The following SYT1 variants were observed in gnomAD, a reference collection of about 807,000 sequenced individuals.
SYT1 encodes synaptotagmin 1, also known as synaptotagmin-1.
In SYT1, 8 loss-of-function variants were observed where a neutral mutation model predicts 44.8. That is an observed-to-expected ratio of 0.18 (90% CI 0.10 to 0.32). The LOEUF (loss-of-function observed/expected upper bound fraction) is 0.32, where lower values mean the gene tolerates loss of function less well. Ranked by LOEUF, SYT1 falls within the 10% of genes least tolerant of loss-of-function variation. SYT1 has a pLI of 1.00. For synonymous variants in SYT1, 154 were observed against 188.8 expected (o/e 0.82, Z 1.51); for missense variants, 286 against 509.3 (o/e 0.56, Z 4.22).
chr12:78,873,370 GA>G (rs1453849979), intron 1 of SYT1, among the ~76,000 whole-genome samples: 1 of 151,632 alleles, frequency 6.6e-6, no homozygotes. Context: ...GAAAAAATAA[GA>G]AAGATTTGAT....
chr12:78,923,764 G>C (rs199691411), intron 1 of SYT1, among the ~76,000 whole-genome samples: 27,473 of 151,202 alleles, frequency 0.18, 3,077 homozygotes, highest in East Asian at 0.5. Flanking sequence ...AACAATGTGA[G>C]AGAGTAAGTT....
At chr12:78,877,395 GT>G (rs1874231092) in intron 1 of SYT1, among the ~76,000 whole-genome samples, 1 of 151,542 alleles carries the variant, frequency 6.6e-6, no homozygotes, top group Non-Finnish European at 1.5e-5. Context: ...CCCACAACAT[GT>G]GGGAATTTTG....
At chr12:79,154,499 G>A (rs1380220724) in intron 3 of SYT1, among the ~76,000 whole-genome samples, 2 of 151,744 alleles carry the variant, frequency 1.3e-5, no homozygotes, top group Non-Finnish European at 2.9e-5. Context: ...AGCTAGATTA[G>A]GAAGCAGTCT....
chr12:78,985,167 CT>C (rs1007855174), intron 2 of SYT1, among the ~76,000 whole-genome samples: 5 of 151,806 alleles, frequency 3.3e-5, no homozygotes, highest in Non-Finnish European at 7.4e-5. Context: ...AGCTATTTAT[CT>C]TTTGTGAAAA....
At chr12:79,286,095 G>A in intron 5 of SYT1, 124 bp downstream of exon 5, 1 of 1,086,094 alleles carries the variant, frequency 9.2e-7, no homozygotes, top group South Asian at 1.7e-5. Context: ...GAGATGCTTT[G>A]CAAACCTTTC....
intron 9 of SYT1, among the ~76,000 whole-genome samples, chr12:79,362,734 A>G (rs1883366720): frequency 6.6e-6 from 1 of 152,170 alleles, no homozygotes; most frequent in Non-Finnish European, 1.5e-5. Context: ...TATTTATCAC[A>G]TCCCACAATA....
At chr12:79,170,697 A>G (rs1341366825) in intron 3 of SYT1, among the ~76,000 whole-genome samples, 11 of 151,998 alleles carry the variant, frequency 7.2e-5, no homozygotes, top group Admixed American at 7.2e-4. Flanking sequence ...GAAGCTCTTT[A>G]GTTTAATTAG....
chr12:79,106,480 G>A (rs1878724815), intron 3 of SYT1, among the ~76,000 whole-genome samples: 1 of 149,172 alleles, frequency 6.7e-6, no homozygotes, highest in Non-Finnish European at 1.5e-5. Flanking sequence ...GCAAACAACT[G>A]ATTTAAAAAT....
At chr12:79,003,649 C>T (rs911078647) in intron 2 of SYT1, among the ~76,000 whole-genome samples, 12 of 151,924 alleles carry the variant, frequency 7.9e-5, no homozygotes, top group African/African-American at 2.9e-4. Flanking sequence ...TACTTTAATT[C>T]ATATTATACT....
chr12:79,337,046 C>T (rs576650524), intron 8 of SYT1, among the ~76,000 whole-genome samples: 46 of 152,104 alleles, frequency 3.0e-4, no homozygotes, highest in Admixed American at 8.5e-4. Flanking sequence ...TATCCCATGT[C>T]TTTCATGTCC....
At chr12:79,175,238 T>C (rs1038420625) in intron 3 of SYT1, among the ~76,000 whole-genome samples, 4 of 152,200 alleles carry the variant, frequency 2.6e-5, no homozygotes, top group East Asian at 3.9e-4. Flanking sequence ...ATCTGCGACA[T>C]AGGCCTGGTT....
chr12:79,161,996 A>G (rs1870978213), intron 3 of SYT1, among the ~76,000 whole-genome samples: 1 of 152,118 alleles, frequency 6.6e-6, no homozygotes, highest in Admixed American at 6.6e-5. Context: ...TTCCACACAC[A>G]AAGAAAAGGT....
At chr12:79,406,963 C>T (rs1885264746) in intron 9 of SYT1, among the ~76,000 whole-genome samples, 1 of 152,030 alleles carries the variant, frequency 6.6e-6, no homozygotes, top group Non-Finnish European at 1.5e-5. Context: ...TCAAATCCTG[C>T]CATTATCACT....
At chr12:79,291,044 C>A (rs1404897421) in intron 5 of SYT1, among the ~76,000 whole-genome samples, 3 of 151,944 alleles carry the variant, frequency 2.0e-5, no homozygotes, top group Non-Finnish European at 4.4e-5. Context: ...GTACTTATAA[C>A]CTTTGATATT....
chr12:79,451,887 T>A lies in SYT1; in HGVS notation c.*2763T>A, dbSNP rs1871079343. Reference sequence around the variant, plus strand: ...AGCTGTATTTTACCTTCATTTTTGATGAGGTGATTTAAATTTTGTTTCACT... The same window carrying A: ...AGCTGTATTTTACCTTCATTTTTGAAGAGGTGATTTAAATTTTGTTTCACT... On this transcript the variant is annotated 3_prime_UTR_variant, in exon 11 of 11. Coordinates refer to ENST00000261205, the MANE Select transcript of SYT1 (RefSeq NM_005639.3). 6.6e-6 allele frequency: 1 copy of A among 152,230 alleles called. No homozygotes were observed. The allele number at this position is 152,230 out of a possible 1,614,324, so 9.4% of individuals were successfully genotyped here. A position where few individuals can be genotyped will look rare whatever the true frequency, so the allele number is the denominator to read the frequency against.
intron 4 of SYT1, among the ~76,000 whole-genome samples, chr12:79,256,835 T>C (rs1877546373): frequency 6.6e-6 from 1 of 152,232 alleles, no homozygotes. Context: ...AGTAACAATA[T>C]TACAAAATGT....
At chr12:79,072,430 A>G (rs1040659208) in intron 3 of SYT1, among the ~76,000 whole-genome samples, 6 of 152,150 alleles carry the variant, frequency 3.9e-5, no homozygotes, top group Admixed American at 2.0e-4. Context: ...TTTTGAAAAT[A>G]TGACACATAA....
intron 1 of SYT1, among the ~76,000 whole-genome samples, chr12:78,975,364 C>T (rs1187205205): frequency 6.6e-6 from 1 of 152,170 alleles, no homozygotes; most frequent in African/African-American, 2.4e-5. Context: ...TTGTTTCTCT[C>T]CTTGGCCAGT....
chr12:79,355,788 C>T (rs1883088962), intron 9 of SYT1, among the ~76,000 whole-genome samples: 1 of 152,254 alleles, frequency 6.6e-6, no homozygotes, highest in South Asian at 2.1e-4. Flanking sequence ...TAAGTATTAT[C>T]TCCTCCATTC....
Sources: allele counts gnomAD v4.1 joint callset (sites outside exome capture counted in the v4.1 genomes callset), GRCh38; gene constraint gnomAD v4.1.1; transcripts MANE v1.5; gene names NCBI Gene and HGNC (gene_info 2026-07-23, HGNC 2026-07-21).